The following PLPPR3 variants were observed in gnomAD, a reference collection of about 807,000 sequenced individuals.
PLPPR3 encodes phospholipid phosphatase-related protein type 3.
A neutral mutation model predicts 27.3 loss-of-function variants in PLPPR3; 14 were observed. The observed-to-expected ratio is 0.51, with a 90% CI of 0.34 to 0.80. The LOEUF is 0.80. Ranked by LOEUF, PLPPR3 falls within the 30% of genes least tolerant of loss-of-function variation. PLPPR3 has a pLI of 0.01. For missense variants in PLPPR3, 1,287 were observed against 1,056.9 expected, an observed-to-expected ratio of 1.22 and a Z score of -3.02; for synonymous variants, 671 against 508.0, an observed-to-expected ratio of 1.32 and a Z score of -4.32.
chr19:816,375 T>A (rs1360530390), intron 2 of PLPPR3, among the ~76,000 whole-genome samples: 3 of 50,600 alleles, frequency 5.9e-5, no homozygotes, highest in African/African-American at 1.3e-4. Flanking sequence ...CAGCCATTCA[T>A]CCATCCATCC....
intron 5 of PLPPR3, 28 bp downstream of exon 5, chr19:814,858 A>C: frequency 3.1e-6 from 5 of 1,600,530 alleles, no homozygotes; most frequent in Non-Finnish European, 4.2e-6. Context: ...GAAGGCTCCC[A>C]GTCAGGGGAG....
chr19:818,580 C>T (rs1038281725), intron 2 of PLPPR3, among the ~76,000 whole-genome samples: 1 of 151,330 alleles, frequency 6.6e-6, no homozygotes, highest in African/African-American at 2.4e-5. Flanking sequence ...GTCGCCCAGG[C>T]TGGAGTGCAG....
chr19:814,427 C>A lies in PLPPR3; in HGVS notation c.831+7G>T. ...CATGCCGACCCCCATCAGAACCTGC[C>A]ACTCACCAGGTAGGCAGCGATGCCC... On this transcript the variant is annotated splice_region_variant and intron_variant, in intron 7 of 7. Transcript: ENST00000520876. The A allele has an allele frequency of 6.3e-7, 1 of 1,593,572 alleles. No individual in the cohort carries two copies. Among genetic ancestry groups the A allele is most frequent in the South Asian group, 1.1e-5 (1 of 89,864 alleles).
rs1257552396 is a variant in PLPPR3 at position 813,964 on chromosome 19, T to TC, written c.832-70_832-69insG. The stretch of plus-strand genomic sequence containing the variant: ...GGCTCCTCCCCTGTGATCGTTGGAC[T>TC]TGCCGCGGGGGGCTCTGGACCGGGG... On this transcript the variant is annotated intron_variant, in intron 7 of 7. Transcript: ENST00000520876. The surrounding 1 kb of genome is among the most constrained non-coding windows in gnomAD (Gnocchi z 4.1). 607 of 1,401,732 alleles carry TC rather than the reference T, an allele frequency of 4.3e-4. 3 individuals carry two copies. Among genetic ancestry groups the TC allele is most frequent in the South Asian group, 3.7e-3 (234 of 63,950 alleles). 86.8% of individuals were successfully genotyped at this position (1,401,732 alleles called of 1,614,324 possible).
intron 2 of PLPPR3, among the ~76,000 whole-genome samples, chr19:816,114 C>T (rs369830592): frequency 1.1e-3 from 164 of 152,196 alleles, no homozygotes; most frequent in South Asian, 0.011. Context: ...ACTCACCGAC[C>T]CATCACCCAC....
chr19:816,018 C>G (rs1445629083), intron 2 of PLPPR3, among the ~76,000 whole-genome samples, 167 bp from the exon 3 acceptor site: 1 of 151,936 alleles, frequency 6.6e-6, no homozygotes, highest in Non-Finnish European at 1.5e-5. Flanking sequence ...CACAGATGCT[C>G]CATCTGTAAC....
rs770993490 is a variant in PLPPR3 at position 813,107 on chromosome 19, G to A, written c.1620C>T (p.Ile540=). Residue 540 remains isoleucine, a synonymous_variant, in exon 8 of 8, where the codon ATC becomes ATT. Transcript: ENST00000520876. This position sits in a 1 kb window ranked among gnomAD's most constrained non-coding sequence, Gnocchi z 4.1. Reference sequence around the variant, plus strand: ...GCGCGCCCGGAGCCTTGGACATGGCGATGACCTGCAGCAGCCGCGGAGGGT... The same window carrying A: ...GCGCGCCCGGAGCCTTGGACATGGCAATGACCTGCAGCAGCCGCGGAGGGT... The part of the protein sequence containing the change: ...VANPPRLLQV[I]AMSKAPGAPG... 12 of 1,503,054 alleles carry A rather than the reference G, an allele frequency of 8.0e-6. No individual in the cohort carries two copies. Among genetic ancestry groups the A allele is most frequent in the South Asian group, 1.3e-5 (1 of 79,614 alleles). 93.1% of individuals were successfully genotyped at this position (1,503,054 alleles called of 1,614,324 possible).
rs769339066 is a variant in PLPPR3, at chr19:813,644, C to T, written c.1083G>A (p.Pro361=). The T allele has an allele frequency of 1.7e-4, 255 of 1,538,698 alleles. No individual in the cohort carries two copies. The highest frequency in any genetic ancestry group is 5.2e-4 in the Middle Eastern group (3 of 5,774). ...RASVDVDLLA[P]RSPMAKENMV... is the part of the protein sequence containing the mutation. ...TGTTCTCCTTGGCCATGGGGCTGCG[C>T]GGGGCCAGCAGGTCCACGTCCACGC... is the stretch of plus-strand genomic sequence containing the variant. The change falls in exon 8 of 8, where the codon CCG becomes CCA. Residue 361 remains proline (P), a synonymous_variant. Transcript: ENST00000520876. The surrounding 1 kb of genome is among the most constrained non-coding windows in gnomAD (Gnocchi z 4.1).
Position 815,724 on chromosome 19 carries a change from T to A in PLPPR3, c.203A>T (p.Glu68Val), listed in dbSNP as rs571429995. 1.2e-6 allele frequency: 2 copies of A among 1,610,946 alleles called. No homozygotes were observed. The highest frequency in any genetic ancestry group is 1.7e-5 in the Admixed American group (1 of 59,778). Residue 68 changes from glutamate to valine, a missense_variant, in exon 3 of 8, where the codon GAG (glutamate) becomes GTG (valine). Transcript: ENST00000520876. ...CAGCATCAGCAGCGGGATGAGCTCC[T>A]CGTTGGTCTCCACGTAGGGCATGGA... ...TLSMPYVETN[E>V]ELIPLLMLLS...
chr19:812,606 G>A lies in PLPPR3; in HGVS notation c.2121C>T (p.Tyr707=), dbSNP rs2034944681. The change falls in exon 8 of 8, where the codon TAC becomes TAT. Residue 707 remains tyrosine (Y), a synonymous_variant. Coordinates refer to ENST00000520876, the MANE Select transcript of PLPPR3 (RefSeq NM_001270366.2). ...AGCGGCGCGCCTGCATCTTGCGGAA[G>A]TAGCCCTCGGCCTCCGCCTCCGCCT... ...EREAEAEAEG[Y]FRKMQARRFP... is the part of the protein sequence containing the mutation. The A allele has an allele frequency of 1.8e-6, 2 of 1,115,794 alleles. No homozygotes were observed. The highest frequency in any genetic ancestry group is 2.0e-5 in the South Asian group (1 of 50,216). 69.1% of individuals were successfully genotyped at this position (1,115,794 alleles called of 1,614,324 possible).
chr19:822,063 G>A (rs1599265403), upstream of PLPPR3: 1 of 151,732 alleles, frequency 6.6e-6, no homozygotes, highest in Non-Finnish European at 1.5e-5. Flanking sequence ...CGCAGCCAGG[G>A]GCGGGGGCTC....
chr19:814,048 C>T (rs2035004838), intron 7 of PLPPR3, among the ~76,000 whole-genome samples, 153 bp from the exon 8 acceptor site: 1 of 152,044 alleles, frequency 6.6e-6, no homozygotes, highest in African/African-American at 2.4e-5. Flanking sequence ...GTTGCTGACC[C>T]AGCACATCGG....
chr19:813,480 A>T lies in PLPPR3; in HGVS notation c.1247T>A (p.Leu416Gln), dbSNP rs754977696. 11 of 1,543,734 alleles carry T rather than the reference A, an allele frequency of 7.1e-6. No homozygotes were observed. Among genetic ancestry groups the T allele is most frequent in the Non-Finnish European group, 9.6e-6 (11 of 1,149,124 alleles). The change falls in exon 8 of 8, where the codon CTG becomes CAG. Residue 416 changes from leucine (L) to glutamine (Q), a missense_variant. Physicochemically the swap from Leu to Gln is moderately radical, Grantham distance 113. Transcript: ENST00000520876. The surrounding 1 kb of genome is among the most constrained non-coding windows in gnomAD (Gnocchi z 4.1). ...QLISEWKQKS[L>Q]EGRGLGLPDD... ...GGGCAGCCCCAGGCCGCGGCCCTCC[A>T]GGCTCTTCTGCTTCCACTCGCTGAT...
intron 2 of PLPPR3, among the ~76,000 whole-genome samples, chr19:820,980 ACTC>A (rs1294864579): frequency 6.6e-6 from 1 of 152,092 alleles, no homozygotes; most frequent in East Asian, 1.9e-4. Flanking sequence ...ATGGTCATAA[ACTC>A]CTCACTATGT....
Position 814,568 on chromosome 19 carries a change from G to C in PLPPR3, c.697C>G (p.Leu233Val). Residue 233 changes from leucine to valine, a missense_variant, in exon 7 of 8, where the codon CTG becomes GTG. Transcript: ENST00000520876. Reference sequence around the variant, plus strand: ...AAGGCGAAGACCAGGATGGGCTTCAGCAGCTTGGTGGTGTCCGAGATGACC... The same window carrying C: ...AAGGCGAAGACCAGGATGGGCTTCACCAGCTTGGTGGTGTCCGAGATGACC... ...NSVISDTTKL[L>V]KPILVFAFAI... 10 of 1,612,246 alleles carry C rather than the reference G, an allele frequency of 6.2e-6. No homozygotes were observed. Among genetic ancestry groups the C allele is most frequent in the Non-Finnish European group, 8.5e-6 (10 of 1,179,986 alleles).
Position 813,073 on chromosome 19 carries a change from TG to T in PLPPR3, c.1653del (p.Lys552ArgfsTer30). The T allele has an allele frequency of 2.7e-6, 4 of 1,501,348 alleles. No individual in the cohort carries two copies. Among genetic ancestry groups the T allele is most frequent in the East Asian group, 2.6e-5 (1 of 38,206 alleles). 93.0% of individuals were successfully genotyped at this position (1,501,348 alleles called of 1,614,324 possible). Reference sequence around the variant, plus strand: ...GACGACGACGCCGTCTCGGCCGCCTTGGGGCCCGGCGCGCCCGGAGCCTTGG... The same window carrying T: ...GACGACGACGCCGTCTCGGCCGCCTTGGGCCCGGCGCGCCCGGAGCCTTGG... ...AMSKAPGAPG[P>X]KAAETASSSS... On this transcript the variant is annotated frameshift_variant, in exon 8 of 8. Transcript: ENST00000520876. LOFTEE classifies it low-confidence loss of function (END_TRUNC). This position sits in a 1 kb window ranked among gnomAD's most constrained non-coding sequence, Gnocchi z 4.1.
intron 2 of PLPPR3, among the ~76,000 whole-genome samples, chr19:818,359 G>A (rs1346501683): frequency 6.6e-6 from 1 of 151,666 alleles, no homozygotes; most frequent in African/African-American, 2.4e-5. Context: ...CTCCAGCTTG[G>A]GCAAGACAGC....
In PLPPR3 at chr19:813,363, T is replaced by C; in HGVS notation, c.1364A>G (p.Glu455Gly). 6.7e-7 allele frequency: 1 copy of C among 1,489,886 alleles called. No individual in the cohort carries two copies. 92.3% of individuals were successfully genotyped at this position (1,489,886 alleles called of 1,614,324 possible). Residue 455 changes from glutamate to glycine, a missense_variant, in exon 8 of 8, where the codon GAG (glutamate) becomes GGG (glycine). Coordinates refer to ENST00000520876, the MANE Select transcript of PLPPR3 (RefSeq NM_001270366.2). The surrounding 1 kb of genome is among the most constrained non-coding windows in gnomAD (Gnocchi z 4.1). ...CGGGCCCTCGTCCTCCTCCTCTTCC[T>C]CCTCCTCCTCTTCCTCTTCGTCCTC... is the stretch of plus-strand genomic sequence containing the variant. ...EEEDEEEEEEEEEEEDEGPAP... is the reference protein window; with the variant it reads ...EEEDEEEEEEGEEEEDEGPAP...
rs774701179 is a variant in PLPPR3 at position 813,014 on chromosome 19, C to G, written c.1713G>C (p.Ser571=). 74 of 1,518,154 alleles carry G rather than the reference C, an allele frequency of 4.9e-5. No homozygotes were observed. Among genetic ancestry groups the G allele is most frequent in the Non-Finnish European group, 6.1e-5 (70 of 1,140,792 alleles). The allele number at this position is 1,518,154 out of a possible 1,614,324, so 94.0% of individuals were successfully genotyped here. ...SASSDSSQYR[S]PSDRDSASIV... ...TGCTGGCGGAGTCGCGGTCCGACGG[C>G]GACCGGTACTGCGAGGAGTCGGAGC... The change falls in exon 8 of 8, where the codon TCG becomes TCC. Residue 571 remains serine, a synonymous_variant. Coordinates refer to ENST00000520876, the MANE Select transcript of PLPPR3 (RefSeq NM_001270366.2). The surrounding 1 kb of genome is among the most constrained non-coding windows in gnomAD (Gnocchi z 4.1).
Sources: gnomAD v4.1 joint callset for allele counts (sites outside exome capture counted in the v4.1 genomes callset) on GRCh38, gnomAD v4.1.1 for gene constraint, Gnocchi (gnomAD v3.1) non-coding constraint, MANE v1.5 for transcripts, NCBI Gene and HGNC (gene_info 2026-07-23, HGNC 2026-07-21) for gene names.